ROBO2: variants seen among roughly 807,000 people sequenced by gnomAD.
The protein encoded by ROBO2 is roundabout homolog 2.
ROBO2 carries 53 observed loss-of-function variants against 160.8 expected under a neutral mutation model. The observed-to-expected ratio is 0.33, with a 90% CI of 0.26 to 0.41. The LOEUF is 0.41. ROBO2 is among the 10% of genes least tolerant of loss of function. The pLI is 1.00. For missense variants in ROBO2, 1,577 were observed against 1,722.4 expected (o/e 0.92, Z 1.49); for synonymous variants, 664 against 611.7 (o/e 1.09, Z -1.26).
intron 2 of ROBO2, among the ~76,000 whole-genome samples, chr3:76,669,826 G>GT (rs1224894119): frequency 6.6e-6 from 1 of 152,040 alleles, no homozygotes; most frequent in Non-Finnish European, 1.5e-5. Context: ...CCATCAATAC[G>GT]TTAACCACAC....
At chr3:76,357,043 A>T (rs1045616547) in intron 2 of ROBO2, among the ~76,000 whole-genome samples, 2 of 151,896 alleles carry the variant, frequency 1.3e-5, no homozygotes, top group Non-Finnish European at 2.9e-5. Flanking sequence ...TACACTGAGA[A>T]CTATTTAAAA....
At chr3:76,008,783 T>C (rs1350015272) in intron 2 of ROBO2, among the ~76,000 whole-genome samples, 1 of 152,064 alleles carries the variant, frequency 6.6e-6, no homozygotes, top group Non-Finnish European at 1.5e-5. Context: ...GAAGCACCTA[T>C]GACAAAAGAC....
In ROBO2 at chr3:77,571,041, A is replaced by T. The variant is rs78380028; in HGVS notation, c.1971+2607A>T. 9.0e-3 allele frequency among the ~76,000 whole-genome samples: 1,371 copies of T among 152,132 alleles called. 23 individuals are homozygous for T. The highest frequency in any genetic ancestry group is 0.032 in the African/African-American group (1,315 of 41,544). On this transcript the variant is annotated intron_variant, in intron 13 of 25. Coordinates refer to ENST00000461745, the Ensembl canonical transcript of ROBO2. ...CTGTTCCACAAAGAAAAATAGCAAT[A>T]AGTCACTTACCGAAAAATGATTATT...
intron 9 of ROBO2, among the ~76,000 whole-genome samples, chr3:77,560,023 G>T (rs536566835): frequency 1.1e-3 from 165 of 152,052 alleles, no homozygotes; most frequent in African/African-American, 3.5e-3. Flanking sequence ...TCTATTTCTG[G>T]GCTAAAGGCA....
intron 2 of ROBO2, among the ~76,000 whole-genome samples, chr3:76,809,502 T>C (rs1322631900): frequency 6.6e-6 from 1 of 152,194 alleles, no homozygotes; most frequent in Non-Finnish European, 1.5e-5. Flanking sequence ...GATGCGATTA[T>C]AACTTTTTAA....
chr3:76,607,127 C>T (rs2087727995), intron 2 of ROBO2, among the ~76,000 whole-genome samples: 1 of 151,494 alleles, frequency 6.6e-6, no homozygotes, highest in South Asian at 2.1e-4. Flanking sequence ...GATCATGGTG[C>T]ACTGTGGACT....
chr3:77,182,742 T>G lies in ROBO2; in HGVS notation c.388+84402T>G, dbSNP rs185013400. 8.5e-4 allele frequency among the ~76,000 whole-genome samples: 129 copies of G among 152,144 alleles called. 2 individuals carry two copies. Among genetic ancestry groups the G allele is most frequent in the Non-Finnish European group, 1.6e-4 (11 of 67,980 alleles). On this transcript the variant is annotated intron_variant, in intron 2 of 25. Transcript: ENST00000461745. Reference sequence around the variant, plus strand: ...GTTGGTGCTCTCAACAATCTCTCCATAGAGACTCTGTGTTCCCACAGCTGA... The same window carrying G: ...GTTGGTGCTCTCAACAATCTCTCCAGAGAGACTCTGTGTTCCCACAGCTGA...
At chr3:76,967,086 T>C (rs896642143) in intron 2 of ROBO2, among the ~76,000 whole-genome samples, 6 of 152,128 alleles carry the variant, frequency 3.9e-5, no homozygotes, top group Admixed American at 1.3e-4. Context: ...ACTTGTAAGG[T>C]GCTACTATTG....
intron 2 of ROBO2, among the ~76,000 whole-genome samples, chr3:76,500,762 C>T (rs2080416744): frequency 1.3e-5 from 2 of 152,150 alleles, no homozygotes. Flanking sequence ...AGTTGGATAT[C>T]TTTGCATGGT....
intron 2 of ROBO2, among the ~76,000 whole-genome samples, chr3:76,539,747 A>C (rs1277530173): frequency 6.6e-6 from 1 of 152,202 alleles, no homozygotes. Flanking sequence ...TAATGTCAGA[A>C]AGCTGAAAGC....
At chr3:77,053,069 T>A (rs969459597) in intron 1 of ROBO2, among the ~76,000 whole-genome samples, 6 of 152,216 alleles carry the variant, frequency 3.9e-5, no homozygotes, top group Admixed American at 1.3e-4. Flanking sequence ...TCTCCTTTTA[T>A]CTTTTGATTA....
chr3:77,626,222 G>A (rs977438008), intron 23 of ROBO2, among the ~76,000 whole-genome samples: 4 of 152,042 alleles, frequency 2.6e-5, no homozygotes, highest in African/African-American at 7.2e-5. Context: ...TTTCTCTCTC[G>A]AAACATTAGT....
chr3:76,743,408 T>C (rs2093834288), intron 2 of ROBO2, among the ~76,000 whole-genome samples: 1 of 152,132 alleles, frequency 6.6e-6, no homozygotes, highest in South Asian at 2.1e-4. Flanking sequence ...TCAGCATGGC[T>C]CAATATTCCC....
At chr3:76,189,516 A>T (rs1701913021) in intron 2 of ROBO2, among the ~76,000 whole-genome samples, 1 of 152,052 alleles carries the variant, frequency 6.6e-6, no homozygotes, top group African/African-American at 2.4e-5. Context: ...GTTCCCTATT[A>T]GATTTTAAAC....
intron 2 of ROBO2, among the ~76,000 whole-genome samples, chr3:77,215,408 C>T (rs139408276): frequency 0.061 from 9,274 of 152,154 alleles, 694 homozygotes; most frequent in African/African-American, 0.17. Flanking sequence ...ATGTAGTTCT[C>T]GTGCCGTGGA....
At chr3:77,617,517 G>C (rs780041917) in exon 22 of ROBO2, 1 of 1,614,086 alleles carries the variant, frequency 6.2e-7, no homozygotes, top group South Asian at 1.1e-5. Flanking sequence ...TTTCAGCTAT[G>C]ACAGTGATAG....
At chr3:76,627,573 T>C (rs918644909) in intron 2 of ROBO2, among the ~76,000 whole-genome samples, 7 of 152,234 alleles carry the variant, frequency 4.6e-5, no homozygotes, top group African/African-American at 1.7e-4. Flanking sequence ...CCTTAAACTG[T>C]TAATACATAG....
At chr3:77,092,591 AT>A (rs1559988978) in intron 1 of ROBO2, among the ~76,000 whole-genome samples, 3 of 145,904 alleles carry the variant, frequency 2.1e-5, no homozygotes, top group African/African-American at 7.5e-5. Flanking sequence ...TTTTAATTAA[AT>A]AATATATATT....
At chr3:76,334,301 T>C (rs770037673) in intron 2 of ROBO2, among the ~76,000 whole-genome samples, 1 of 152,158 alleles carries the variant, frequency 6.6e-6, no homozygotes, top group African/African-American at 2.4e-5. Context: ...AAGGAGCTGG[T>C]CTTGCGTATT....
Sources: gnomAD v4.1 joint callset for allele counts (sites outside exome capture counted in the v4.1 genomes callset) on GRCh38, gnomAD v4.1.1 for gene constraint, MANE v1.5 for transcripts, NCBI Gene and HGNC (gene_info 2026-07-23, HGNC 2026-07-21) for gene names.